Variants in TMEM114 observed in about 807,000 individuals in gnomAD.
The protein encoded by TMEM114 is claudin-26.
Under a neutral mutation model 6.2 loss-of-function variants are expected in TMEM114, and 6 were observed. That is an observed-to-expected ratio of 0.97 (90% CI 0.53 to 1.91). The LOEUF is 1.91. Among genes scored for constraint, TMEM114 ranks in the 40% most tolerant of loss-of-function variants. TMEM114 has a pLI of 0.01. For synonymous variants in TMEM114, 104 were observed against 73.0 expected (o/e 1.42, Z -2.16); for missense variants, 218 against 158.3 (o/e 1.38, Z -2.02).
At position 8,547,395 on chromosome 16, in the gene TMEM114, TC is replaced by T. The variant is rs774426439; in HGVS notation, n.213-9570del. On this transcript the variant is annotated intron_variant and non_coding_transcript_variant, in intron 2 of 2. Coordinates refer to the TMEM114 transcript ENST00000623677. ...CGCTTTCTTTCTTTCTTTCTTTCTT[TC>T]TTTTTTTTTTTTTTGAGACGGAGTC... Among the ~76,000 whole-genome samples the T allele has an allele frequency of 7.7e-3, 928 of 120,110 alleles. 4 individuals are homozygous for T. Among genetic ancestry groups the T allele is most frequent in the African/African-American group, 0.025 (791 of 31,256 alleles). 78.8% of individuals were successfully genotyped at this position (120,110 alleles called of 152,430 possible). A position where few individuals can be genotyped will look rare whatever the true frequency, so the allele number is the denominator to read the frequency against.
chr16:8,589,592 G>C, intron 1 of TMEM114, 27 bp downstream of exon 1: 1 of 398,520 alleles, frequency 2.5e-6, no homozygotes. Context: ...CGCAGCCACA[G>C]CTCCCAGCCA....
chr16:8,530,100 G>T, the TMEM114 span, among the ~76,000 whole-genome samples: 2 of 152,164 alleles, frequency 1.3e-5, no homozygotes, highest in African/African-American at 4.8e-5. Flanking sequence ...TTAACAAACT[G>T]TACAGTTGAA....
In TMEM114 at chr16:8,583,178, G is replaced by C. The variant is rs535975036; in HGVS notation, c.301+6035C>G. On this transcript the variant is annotated intron_variant, in intron 2 of 3. Coordinates refer to ENST00000620492, the MANE Select transcript of TMEM114 (RefSeq NM_001146336.2). Reference sequence around the variant, plus strand: ...GAATGGTGTCCAGCACACAGCAACTGTCTCATCATGTTCTACACCAGGCAG... The same window carrying C: ...GAATGGTGTCCAGCACACAGCAACTCTCTCATCATGTTCTACACCAGGCAG... Among the ~76,000 whole-genome samples, 14 of 152,304 alleles carry C rather than the reference G, an allele frequency of 9.2e-5. No individual in the cohort carries two copies. In the South Asian group the frequency reaches 2.5e-3, roughly 27 times the overall value.
At chr16:8,560,509 A>G (rs1306511338) in intron 2 of TMEM114, among the ~76,000 whole-genome samples, 1 of 152,166 alleles carries the variant, frequency 6.6e-6, no homozygotes, top group Non-Finnish European at 1.5e-5. Context: ...CTGGGCACAG[A>G]GGACGCACTT....
chr16:8,565,738 T>A (rs112440243), downstream of TMEM114, among the ~76,000 whole-genome samples: 13,742 of 152,202 alleles, frequency 0.09, 746 homozygotes, highest in Middle Eastern at 0.19. Context: ...AGAGCAGTGG[T>A]TCTTACCTCC....
chr16:8,551,149 T>A (rs1366201246), intron 2 of TMEM114, among the ~76,000 whole-genome samples: 1 of 152,116 alleles, frequency 6.6e-6, no homozygotes, highest in Non-Finnish European at 1.5e-5. Context: ...AAAGAAAGGA[T>A]CCCCTAGAAT....
chr16:8,528,553 G>A, the TMEM114 span, among the ~76,000 whole-genome samples: 1 of 152,168 alleles, frequency 6.6e-6, no homozygotes, highest in South Asian at 2.1e-4. Context: ...ACCAAGAGGA[G>A]CGCAACAGGC....
chr16:8,572,861 C>T (rs1054750254), intron 2 of TMEM114, among the ~76,000 whole-genome samples: 3 of 152,192 alleles, frequency 2.0e-5, no homozygotes, highest in Non-Finnish European at 4.4e-5. Flanking sequence ...GTGGTTTGGG[C>T]CTTGGCTCTG....
chr16:8,549,126 G>T (rs1385757560), intron 2 of TMEM114, among the ~76,000 whole-genome samples: 2 of 145,220 alleles, frequency 1.4e-5, no homozygotes, highest in South Asian at 2.1e-4. Context: ...AGCTTGCAGT[G>T]AGCCGAGATC....
At chr16:8,551,829 G>C (rs1414966702) in intron 2 of TMEM114, among the ~76,000 whole-genome samples, 1 of 152,158 alleles carries the variant, frequency 6.6e-6, no homozygotes, top group Non-Finnish European at 1.5e-5. Flanking sequence ...GTGCAAAACT[G>C]AGAGCCACCC....
downstream of TMEM114, among the ~76,000 whole-genome samples, chr16:8,564,674 T>G: frequency 6.2e-5 from 1 of 16,086 alleles, no homozygotes; most frequent in Non-Finnish European, 1.3e-4. Flanking sequence ...AGGGAGGGAA[T>G]GAGTGAATGA....
downstream of TMEM114, among the ~76,000 whole-genome samples, chr16:8,536,725 C>G (rs552640798): frequency 1.6e-4 from 24 of 151,692 alleles, no homozygotes; most frequent in South Asian, 4.8e-3. Flanking sequence ...AATCATGTAC[C>G]AGGCATTTAG....
chr16:8,583,230 A>G (rs1213269542), intron 2 of TMEM114, among the ~76,000 whole-genome samples: 2 of 152,218 alleles, frequency 1.3e-5, no homozygotes, highest in Non-Finnish European at 2.9e-5. Flanking sequence ...GATGAAATCA[A>G]TATGTACTGA....
intron 2 of TMEM114, among the ~76,000 whole-genome samples, chr16:8,564,377 A>ATGAGTGAGGGAATGAG (rs1248872360): frequency 3.5e-5 from 5 of 143,878 alleles, no homozygotes; most frequent in South Asian, 2.4e-4. Flanking sequence ...GAGTCAGTGA[A>ATGAGTGAGGGAATGAG]TGAGTGAGGG....
the TMEM114 span, among the ~76,000 whole-genome samples, chr16:8,531,719 G>A: frequency 2.0e-5 from 3 of 152,166 alleles, no homozygotes; most frequent in East Asian, 5.8e-4. Flanking sequence ...ATAATTCATG[G>A]GACACTCAGT....
At position 8,548,174 on chromosome 16, in the gene TMEM114, T is replaced by C. The variant is rs571331273; in HGVS notation, n.213-10348A>G. 2.6e-5 allele frequency among the ~76,000 whole-genome samples: 4 copies of C among 152,274 alleles called. No individual in the cohort carries two copies. The East Asian group carries it at 5.8e-4, about 22-fold the overall frequency. On this transcript the variant is annotated intron_variant and non_coding_transcript_variant, in intron 2 of 2. Transcript: ENST00000623677. ...TCTAAGCTCCCGCCCCTATTAACGG[T>C]GGGACCCTGACTGAGCAAGGGGCTT...
chr16:8,539,184 C>T (rs1168988586), intron 2 of TMEM114, among the ~76,000 whole-genome samples: 7 of 152,032 alleles, frequency 4.6e-5, no homozygotes, highest in Admixed American at 1.3e-4. Context: ...GCCTGGTGTG[C>T]GGTGCTGAAT....
the TMEM114 span, among the ~76,000 whole-genome samples, chr16:8,532,341 G>T: frequency 6.6e-6 from 1 of 152,032 alleles, no homozygotes; most frequent in Non-Finnish European, 1.5e-5. Context: ...CTCTCTCTGG[G>T]ACTTATAAAT....
At position 8,556,792 on chromosome 16, in the gene TMEM114, C is replaced by T. The variant is rs775115467; in HGVS notation, n.213-18966G>A. ...TGCCAGGATTATAGGCGTGAGCCAC[C>T]GCGCCTGACCCGTGTGCACTTTAAA... On this transcript the variant is annotated intron_variant and non_coding_transcript_variant, in intron 2 of 2. Transcript: ENST00000623677. Among the ~76,000 whole-genome samples, 5 of 152,108 alleles carry T rather than the reference C, an allele frequency of 3.3e-5. No individual in the cohort carries two copies. In the East Asian group the frequency reaches 5.8e-4, roughly 18 times the overall value.
Sources: allele counts gnomAD v4.1 joint callset (sites outside exome capture counted in the v4.1 genomes callset), GRCh38; gene constraint gnomAD v4.1.1; transcripts MANE v1.5; gene names NCBI Gene and HGNC (gene_info 2026-07-23, HGNC 2026-07-21).